HHAT: variants seen among roughly 807,000 people sequenced by gnomAD.
HHAT encodes the protein protein-cysteine N-palmitoyltransferase HHAT.
HHAT carries 47 observed loss-of-function variants against 70.8 expected under a neutral mutation model. The ratio of observed to expected loss-of-function variants is 0.66; its 90% confidence interval spans 0.53 to 0.85. The LOEUF (loss-of-function observed/expected upper bound fraction) is 0.85. Ranked by LOEUF, HHAT falls within the 40% of genes least tolerant of loss-of-function variation. The pLI is 0.00. For synonymous variants in HHAT, 228 were observed against 247.6 expected, an observed-to-expected ratio of 0.92 and a Z score of 0.74; for missense variants, 609 against 604.8, an observed-to-expected ratio of 1.01 and a Z score of -0.07.
intron 3 of HHAT, chr1:210,374,114 T>G (rs1196757351): frequency 6.8e-6 from 1 of 146,726 alleles, no homozygotes; most frequent in Non-Finnish European, 1.5e-5. Flanking sequence ...AGTTGCACCA[T>G]AATGTTTTCC....
intron 11 of HHAT, among the ~76,000 whole-genome samples, chr1:210,660,890 C>CT (rs1677548679): frequency 6.6e-6 from 1 of 152,148 alleles, no homozygotes; most frequent in African/African-American, 2.4e-5. Context: ...GGATCCCTTC[C>CT]TTACACCTTA....
chr1:210,515,929 G>T (rs1395056944), intron 9 of HHAT, among the ~76,000 whole-genome samples: 1 of 151,992 alleles, frequency 6.6e-6, no homozygotes, highest in Admixed American at 6.6e-5. Flanking sequence ...AATTAGCCAG[G>T]CGTGGTGACA....
At chr1:210,602,699 A>G (rs958389079) in intron 10 of HHAT, among the ~76,000 whole-genome samples, 6 of 151,680 alleles carry the variant, frequency 4.0e-5, no homozygotes, top group Non-Finnish European at 7.4e-5. Flanking sequence ...GTGCCAGCTT[A>G]TTAGTGCTCA....
chr1:210,636,367 A>G (rs1573909308), intron 11 of HHAT, among the ~76,000 whole-genome samples: 1 of 152,108 alleles, frequency 6.6e-6, no homozygotes, highest in Admixed American at 6.5e-5. Flanking sequence ...GAGGATGATT[A>G]TGATTATTTT....
intron 4 of HHAT, among the ~76,000 whole-genome samples, chr1:210,399,374 A>G (rs995005823): frequency 2.0e-5 from 3 of 152,112 alleles, no homozygotes; most frequent in Non-Finnish European, 4.4e-5. Context: ...CTCCTGCCTC[A>G]GCCTCCCGGG....
chr1:210,633,822 G>C (rs751958031), intron 11 of HHAT, among the ~76,000 whole-genome samples: 51 of 152,104 alleles, frequency 3.4e-4, no homozygotes, highest in Non-Finnish European at 5.9e-4. Context: ...TGTCCCCTGG[G>C]CGCTTGCTGG....
At chr1:210,634,134 G>A (rs1481942449) in intron 11 of HHAT, among the ~76,000 whole-genome samples, 2 of 152,194 alleles carry the variant, frequency 1.3e-5, no homozygotes, top group African/African-American at 4.8e-5. Context: ...CCTGGGGCCA[G>A]GGGCAATGTC....
At chr1:210,607,903 C>T (rs56942677) in intron 10 of HHAT, among the ~76,000 whole-genome samples, 2 of 152,228 alleles carry the variant, frequency 1.3e-5, no homozygotes, top group East Asian at 1.9e-4. Context: ...ATTATCAGTT[C>T]GAATGTAGTC....
chr1:210,428,286 CTATATATATATATATATATA>C (rs66516721), intron 7 of HHAT, among the ~76,000 whole-genome samples: 1,844 of 101,228 alleles, frequency 0.018, 59 homozygotes, highest in East Asian at 0.072. Flanking sequence ...TGAGCTTATA[CTATATATATATATATATATA>C]TATATATATA....
At chr1:210,474,315 G>C (rs2094262790) in intron 8 of HHAT, among the ~76,000 whole-genome samples, 1 of 152,126 alleles carries the variant, frequency 6.6e-6, no homozygotes, top group Non-Finnish European at 1.5e-5. Flanking sequence ...TTCTGAGACA[G>C]GCTCTCGCTC....
At chr1:210,333,848 G>A (rs1345433175) in intron 1 of HHAT, among the ~76,000 whole-genome samples, 1 of 152,054 alleles carries the variant, frequency 6.6e-6, no homozygotes, top group Admixed American at 6.6e-5. Flanking sequence ...GTAGAGACAG[G>A]GTTTTGCCAT....
intron 9 of HHAT, among the ~76,000 whole-genome samples, chr1:210,547,976 C>A (rs1370592383): frequency 1.3e-5 from 2 of 152,138 alleles, no homozygotes; most frequent in Non-Finnish European, 2.9e-5. Context: ...TGGGTATAAA[C>A]AACTGTATAA....
intron 11 of HHAT, among the ~76,000 whole-genome samples, chr1:210,660,398 C>T (rs1677414799): frequency 6.6e-6 from 1 of 152,138 alleles, no homozygotes; most frequent in Non-Finnish European, 1.5e-5. Context: ...CAAACCACTG[C>T]TCAACGAATT....
At chr1:210,613,973 T>C (rs1667124543) in intron 10 of HHAT, among the ~76,000 whole-genome samples, 2 of 148,290 alleles carry the variant, frequency 1.3e-5, no homozygotes, top group Admixed American at 1.4e-4. Context: ...TGAGTCATGA[T>C]TGTGCTACTG....
chr1:210,663,788 C>T (rs1398673673), intron 11 of HHAT, among the ~76,000 whole-genome samples: 1 of 152,228 alleles, frequency 6.6e-6, no homozygotes, highest in Non-Finnish European at 1.5e-5. Flanking sequence ...GGATCAGAAA[C>T]TGTGGGGTGG....
chr1:210,675,264 T>C lies in HHAT; in HGVS notation c.*885T>C, dbSNP rs373895347. On this transcript the variant is annotated 3_prime_UTR_variant, in exon 12 of 12. Coordinates refer to ENST00000261458, the MANE Select transcript of HHAT (RefSeq NM_018194.6). ...GATTCACGTTTAGTGGTTTATATTA[T>C]TAAGGTTTGATTCAAACAGAGCCTT... 2 of 152,212 alleles carry C rather than the reference T, an allele frequency of 1.3e-5. No homozygotes were observed. Among genetic ancestry groups the C allele is most frequent in the East Asian group, 3.8e-4 (2 of 5,196 alleles). The allele number at this position is 152,212 out of a possible 1,614,324, so 9.4% of individuals were successfully genotyped here. A position where few individuals can be genotyped will look rare whatever the true frequency, so the allele number is the denominator to read the frequency against.
At position 210,489,534 on chromosome 1, in the gene HHAT, GTTA is replaced by G. The variant is rs1467630707; in HGVS notation, c.1008-23613_1008-23611del. Among the ~76,000 whole-genome samples the G allele has an allele frequency of 2.0e-5, 3 of 152,194 alleles. 1 individual carries two copies. The highest frequency in any genetic ancestry group is 4.8e-5 in the African/African-American group (2 of 41,456). The stretch of plus-strand genomic sequence containing the variant: ...TTGTGCTCATAATTGTCCCCACGTT[GTTA>G]TTATTTTTGCAGCCTCCTCCAAGTA... On this transcript the variant is annotated intron_variant, in intron 8 of 11. Coordinates refer to ENST00000261458, the MANE Select transcript of HHAT (RefSeq NM_018194.6).
chr1:210,612,091 C>A (rs1666704317), intron 10 of HHAT, among the ~76,000 whole-genome samples: 1 of 152,116 alleles, frequency 6.6e-6, no homozygotes, highest in Non-Finnish European at 1.5e-5. Flanking sequence ...TATGGCCCAC[C>A]TGCGTTTGAA....
At chr1:210,502,630 G>A (rs1336982700) in intron 8 of HHAT, among the ~76,000 whole-genome samples, 2 of 152,144 alleles carry the variant, frequency 1.3e-5, no homozygotes, top group Non-Finnish European at 2.9e-5. Flanking sequence ...GCCAGGCTCT[G>A]TTAGGTACCA....
Sources: gnomAD v4.1 joint callset for allele counts (sites outside exome capture counted in the v4.1 genomes callset) on GRCh38, gnomAD v4.1.1 for gene constraint, MANE v1.5 for transcripts, NCBI Gene and HGNC (gene_info 2026-07-23, HGNC 2026-07-21) for gene names.